Variants in GPD2 observed in about 807,000 individuals in gnomAD.
The protein encoded by GPD2 is glycerol-3-phosphate dehydrogenase 2, also known as glycerol-3-phosphate dehydrogenase, mitochondrial.
In GPD2, 54 loss-of-function variants were observed where a neutral mutation model predicts 82.4. The ratio of observed to expected loss-of-function variants is 0.66; its 90% CI spans 0.53 to 0.82. GPD2 has a LOEUF of 0.82. GPD2 is among the 40% of genes least tolerant of loss of function. The pLI, the probability that GPD2 is intolerant of heterozygous loss-of-function variation, is 0.00. For missense variants in GPD2, 748 were observed against 896.2 expected, an observed-to-expected ratio of 0.83 and a Z score of 2.11; for synonymous variants, 288 against 306.1, an observed-to-expected ratio of 0.94 and a Z score of 0.62.
upstream of GPD2, among the ~76,000 whole-genome samples, chr2:156,431,141 G>C (rs1233506620): frequency 6.6e-6 from 1 of 152,198 alleles, no homozygotes; most frequent in African/African-American, 2.4e-5. Context: ...TTAGGCACAG[G>C]AGAAAGGAGT....
At chr2:156,416,921 C>G in the GPD2 span, among the ~76,000 whole-genome samples, 39 of 152,230 alleles carry the variant, frequency 2.6e-4, no homozygotes, top group East Asian at 7.1e-3. Flanking sequence ...CAGGTAGCAG[C>G]TAACATCCAG....
chr2:156,425,961 T>G, the GPD2 span, among the ~76,000 whole-genome samples: 1 of 151,122 alleles, frequency 6.6e-6, no homozygotes, highest in Non-Finnish European at 1.5e-5. Context: ...TTCACTCTGT[T>G]GCCCAGGCTG....
At chr2:156,489,091 C>A (rs938857838) in intron 2 of GPD2, among the ~76,000 whole-genome samples, 26 of 152,246 alleles carry the variant, frequency 1.7e-4, no homozygotes, top group Admixed American at 1.7e-3. Context: ...TTGTTCCTGT[C>A]TTTAAGCCAA....
intron 9 of GPD2, among the ~76,000 whole-genome samples, chr2:156,561,375 T>G (rs1574002896): frequency 6.6e-6 from 1 of 152,112 alleles, no homozygotes; most frequent in African/African-American, 2.4e-5. Flanking sequence ...TAGTTAGTAT[T>G]GGAGCCATAA....
At position 156,570,158 on chromosome 2, in the gene GPD2, C is replaced by A; in HGVS notation, c.1548C>A (p.Gly516=). The change falls in exon 12 of 17, where the codon GGC becomes GGA. Residue 516 remains glycine, a synonymous_variant. Coordinates refer to ENST00000438166, the MANE Select transcript of GPD2 (RefSeq NM_000408.5). ...TGGCCAAAATGGCAAGTGTGACTGG[C>A]AAAAGGTGGCCTATTGTTGGAGTAC... is the stretch of plus-strand genomic sequence containing the variant. ...FEVAKMASVT[G]KRWPIVGVRL... is the part of the protein sequence containing the mutation. The A allele has an allele frequency of 6.2e-7, 1 of 1,612,586 alleles. No individual in the cohort carries two copies.
intron 1 of GPD2, among the ~76,000 whole-genome samples, chr2:156,448,983 G>A (rs1176362368): frequency 6.6e-6 from 1 of 152,134 alleles, no homozygotes; most frequent in Non-Finnish European, 1.5e-5. Flanking sequence ...GCATTCCTTG[G>A]CTGTGGCTGC....
intron 1 of GPD2, 130 bp from the exon 2 acceptor site, chr2:156,475,968 A>C (rs999918090): frequency 4.6e-6 from 3 of 646,942 alleles, no homozygotes; most frequent in Non-Finnish European, 8.4e-6. Flanking sequence ...GTTTGTTAGT[A>C]ATTTCCTTAT....
chr2:156,517,841 T>C (rs2105282092), intron 6 of GPD2, among the ~76,000 whole-genome samples: 1 of 152,188 alleles, frequency 6.6e-6, no homozygotes, highest in African/African-American at 2.4e-5. Flanking sequence ...ACACAGAAAA[T>C]GAGCTATAAT....
intron 9 of GPD2, among the ~76,000 whole-genome samples, chr2:156,566,920 A>C (rs1246521746): frequency 1.3e-5 from 2 of 152,072 alleles, no homozygotes; most frequent in Non-Finnish European, 2.9e-5. Flanking sequence ...AATGGGTGTG[A>C]AGTGGTATCT....
At chr2:156,534,332 G>C (rs1186422801) in intron 6 of GPD2, among the ~76,000 whole-genome samples, 2 of 152,156 alleles carry the variant, frequency 1.3e-5, no homozygotes, top group Non-Finnish European at 2.9e-5. Flanking sequence ...CTGGGGTTTG[G>C]GGTTTATAAT....
intron 1 of GPD2, among the ~76,000 whole-genome samples, chr2:156,446,286 G>A (rs190712073): frequency 8.2e-4 from 124 of 151,928 alleles, no homozygotes; most frequent in African/African-American, 2.8e-3. Context: ...AGTAGAGATG[G>A]GGTTTTGCCA....
At chr2:156,543,014 C>T (rs1686382289) in intron 6 of GPD2, among the ~76,000 whole-genome samples, 1 of 152,114 alleles carries the variant, frequency 6.6e-6, no homozygotes, top group African/African-American at 2.4e-5. Flanking sequence ...ATGTGTACCC[C>T]CAAAAATATT....
At chr2:156,408,611 A>G in the GPD2 span, among the ~76,000 whole-genome samples, 9 of 150,310 alleles carry the variant, frequency 6.0e-5, no homozygotes, top group Admixed American at 4.7e-4. Context: ...GGTGGTGTGC[A>G]CCTCTGTAGT....
chr2:156,495,616 T>C, intron 2 of GPD2: 1 of 464,902 alleles, frequency 2.2e-6, no homozygotes, highest in Non-Finnish European at 4.4e-6. Context: ...TCTGAGAAAG[T>C]GTGGAAAGAC....
chr2:156,481,862 G>A (rs978124930), intron 2 of GPD2, among the ~76,000 whole-genome samples: 1 of 152,084 alleles, frequency 6.6e-6, no homozygotes, highest in Non-Finnish European at 1.5e-5. Context: ...TCTGTTGATG[G>A]ACATTTAGGT....
At chr2:156,535,437 G>GGGA (rs138855830) in intron 6 of GPD2, among the ~76,000 whole-genome samples, 2 of 80,280 alleles carry the variant, frequency 2.5e-5, no homozygotes, top group Non-Finnish European at 4.6e-5. Flanking sequence ...AGGGGGGTGG[G>GGGA]GAGAGAGAGA....
chr2:156,411,224 TC>T, the GPD2 span, among the ~76,000 whole-genome samples: 1 of 152,172 alleles, frequency 6.6e-6, no homozygotes, highest in African/African-American at 2.4e-5. Context: ...GAGCTTATGT[TC>T]TTAACAACTT....
At chr2:156,581,972 A>C (rs968531508) in intron 16 of GPD2, among the ~76,000 whole-genome samples, 25 of 151,936 alleles carry the variant, frequency 1.6e-4, no homozygotes, top group Admixed American at 6.6e-4. Context: ...TATATATATA[A>C]TGTGTATATA....
intron 1 of GPD2, among the ~76,000 whole-genome samples, chr2:156,452,473 A>C (rs1481041544): frequency 6.6e-6 from 1 of 152,252 alleles, no homozygotes. Context: ...GGGAGGTTGC[A>C]GTGAGCCGAG....
Sources: gnomAD v4.1 joint callset for allele counts (sites outside exome capture counted in the v4.1 genomes callset) on GRCh38, gnomAD v4.1.1 for gene constraint, MANE v1.5 for transcripts, NCBI Gene and HGNC (gene_info 2026-07-23, HGNC 2026-07-21) for gene names.